COL18A1: variants seen among roughly 807,000 people sequenced by gnomAD.
COL18A1 encodes collagen type XVIII alpha 1 chain, also known as collagen alpha-1(XVIII) chain.
COL18A1 carries 133 observed loss-of-function variants against 168.0 expected under a neutral mutation model. The observed-to-expected ratio is 0.79, with a 90% CI of 0.69 to 0.91. COL18A1 has a LOEUF of 0.91. COL18A1 is among the 40% of genes least tolerant of loss of function. COL18A1 has a pLI of 0.00. For synonymous variants in COL18A1, 949 were observed against 809.0 expected, an observed-to-expected ratio of 1.17 and a Z score of -2.94; for missense variants, 2,126 against 1,925.4, an observed-to-expected ratio of 1.10 and a Z score of -1.95.
At chr21:45,461,950 G>T (rs1489231949) in intron 2 of COL18A1, among the ~76,000 whole-genome samples, 1 of 152,176 alleles carries the variant, frequency 6.6e-6, no homozygotes, top group African/African-American at 2.4e-5. Flanking sequence ...TGCAGGGCAG[G>T]TCTAGTGGCA....
chr21:45,433,474 A>G (rs1286175233), intron 2 of COL18A1, among the ~76,000 whole-genome samples: 1 of 152,108 alleles, frequency 6.6e-6, no homozygotes, highest in African/African-American at 2.4e-5. Flanking sequence ...GAGCACCAAG[A>G]AAATACCAGG....
chr21:45,505,841 A>G lies in COL18A1; in HGVS notation c.3091A>G (p.Arg1031Gly). Residue 1031 changes from arginine (R) to glycine (G), a missense_variant, in exon 37 of 42, where the codon AGG becomes GGG. Transcript: ENST00000651438. ...PGTMGASSGV[R>G]LWATRQAMLG... ...CCTCTGCATTTGGTCCCAGCAGGTGAGGCTCTGGGCTACACGCCAGGCCAT... is the reference window on the plus strand; with the variant it reads ...CCTCTGCATTTGGTCCCAGCAGGTGGGGCTCTGGGCTACACGCCAGGCCAT... The G allele has an allele frequency of 1.3e-6, 2 of 1,589,330 alleles. No individual in the cohort carries two copies. The highest frequency in any genetic ancestry group is 1.7e-6 in the Non-Finnish European group (2 of 1,169,378).
intron 2 of COL18A1, among the ~76,000 whole-genome samples, chr21:45,418,997 G>A (rs1301983958): frequency 6.6e-6 from 1 of 152,256 alleles, no homozygotes; most frequent in African/African-American, 2.4e-5. Context: ...CATCAGGGCT[G>A]CAGGTCAGCT....
chr21:45,450,437 G>A (rs950559639), intron 2 of COL18A1, among the ~76,000 whole-genome samples: 1 of 152,226 alleles, frequency 6.6e-6, no homozygotes, highest in African/African-American at 2.4e-5. Flanking sequence ...CGCCTCTGAC[G>A]ATTGAACAGC....
chr21:45,444,394 G>T (rs1221843280), intron 2 of COL18A1, among the ~76,000 whole-genome samples: 1 of 152,162 alleles, frequency 6.6e-6, no homozygotes, highest in Non-Finnish European at 1.5e-5. Context: ...AATGAAGGAC[G>T]TTGTGCTCGT....
chr21:45,412,051 C>T lies in COL18A1; in HGVS notation c.106+6578C>T, dbSNP rs77675183. Among the ~76,000 whole-genome samples, 29 of 152,214 alleles carry T rather than the reference C, an allele frequency of 1.9e-4. No individual in the cohort carries two copies. In the East Asian group the frequency reaches 3.3e-3, roughly 17 times the overall value. On this transcript the variant is annotated intron_variant, in intron 2 of 41. Transcript: ENST00000651438. ...TGAACTTTTTCACGCACTAAGGGGC[C>T]GTCGTGCTTCTCTGGGAATGCCGGG...
intron 2 of COL18A1, among the ~76,000 whole-genome samples, chr21:45,442,100 A>G (rs1418821097): frequency 6.6e-6 from 1 of 152,238 alleles, no homozygotes; most frequent in Non-Finnish European, 1.5e-5. Flanking sequence ...CTGACTGCAC[A>G]GTCCTGCAGC....
rs922270774 is a variant in COL18A1 at position 45,425,315 on chromosome 21, G to A, written c.106+19842G>A. On this transcript the variant is annotated intron_variant, in intron 2 of 41. Coordinates refer to ENST00000651438, the MANE Select transcript of COL18A1 (RefSeq NM_001379500.1). This position sits in a 1 kb window ranked among gnomAD's most constrained non-coding sequence, Gnocchi z 4.1. Reference sequence around the variant, plus strand: ...TGTGCTGTGAGTGCAGTGTGACCGCGTCCACCTGTCTCCCTGGACACGCCT... The same window carrying A: ...TGTGCTGTGAGTGCAGTGTGACCGCATCCACCTGTCTCCCTGGACACGCCT... Among the ~76,000 whole-genome samples the A allele has an allele frequency of 3.3e-5, 5 of 152,114 alleles. No homozygotes were observed. Among genetic ancestry groups the A allele is most frequent in the South Asian group, 2.1e-4 (1 of 4,822 alleles).
chr21:45,413,345 G>A (rs900690357), intron 2 of COL18A1, among the ~76,000 whole-genome samples: 3 of 152,370 alleles, frequency 2.0e-5, no homozygotes, highest in Non-Finnish European at 4.4e-5. Flanking sequence ...AGGCCAGGGC[G>A]CCTGCACCAT....
chr21:45,468,200 C>T (rs749552238), intron 2 of COL18A1, 42 bp from the exon 3 acceptor site: 52 of 1,610,038 alleles, frequency 3.2e-5, no homozygotes, highest in African/African-American at 8.0e-5. Flanking sequence ...CCCCTGGTTC[C>T]GTCCTGCACA....
chr21:45,413,378 G>T (rs560350280), intron 2 of COL18A1, among the ~76,000 whole-genome samples: 3 of 152,254 alleles, frequency 2.0e-5, no homozygotes, highest in African/African-American at 7.2e-5. Flanking sequence ...CGCCCCTGTC[G>T]CGGGGACCCA....
chr21:45,468,415 C>T lies in COL18A1; in HGVS notation c.280C>T (p.Leu94=), dbSNP rs1383393907. 6.8e-6 allele frequency: 11 copies of T among 1,614,074 alleles called. No homozygotes were observed. The highest frequency in any genetic ancestry group is 9.3e-6 in the Non-Finnish European group (11 of 1,180,038). The change falls in exon 3 of 42, where the codon CTG becomes TTG. Residue 94 remains leucine (L), a synonymous_variant. Transcript: ENST00000651438. ...CAGCCTCTTCTTCCGTGACTTCTCACTGCTGTTCCACATCCGGCCAGCCAC... is the reference window on the plus strand; with the variant it reads ...CAGCCTCTTCTTCCGTGACTTCTCATTGCTGTTCCACATCCGGCCAGCCAC... The part of the protein sequence containing the change: ...FPSLFFRDFS[L]LFHIRPATEG...
Position 45,477,991 on chromosome 21 carries a change from C to T in COL18A1, c.1221+26C>T, listed in dbSNP as rs779729072. The stretch of plus-strand genomic sequence containing the variant: ...GTGAGTCCTCACGTCCCCCCGAGTC[C>T]GGCCCGGTCTGGAGGGTGGGGGCTT... On this transcript the variant is annotated intron_variant, in intron 8 of 41. Coordinates refer to ENST00000651438, the MANE Select transcript of COL18A1 (RefSeq NM_001379500.1). 2.5e-5 allele frequency: 31 copies of T among 1,259,064 alleles called. No individual in the cohort carries two copies. The Middle Eastern group carries it at 5.8e-4, about 24-fold the overall frequency. The allele number at this position is 1,259,064 out of a possible 1,614,324, so 78.0% of individuals were successfully genotyped here.
chr21:45,428,490 A>G (rs951636721), intron 2 of COL18A1, among the ~76,000 whole-genome samples: 6 of 152,248 alleles, frequency 3.9e-5, no homozygotes, highest in African/African-American at 1.2e-4. Flanking sequence ...GAAATTCACA[A>G]CGCATAAAAT....
chr21:45,512,891 T>A lies in COL18A1; in HGVS notation c.*493T>A. 1 of 213,378 alleles carries A rather than the reference T, an allele frequency of 4.7e-6. No homozygotes were observed. The highest frequency in any genetic ancestry group is 9.6e-6 in the Non-Finnish European group (1 of 104,114). 13.2% of individuals were successfully genotyped at this position (213,378 alleles called of 1,614,324 possible). On this transcript the variant is annotated 3_prime_UTR_variant, in exon 42 of 42. Transcript: ENST00000651438. ...GCCATCTGGGCTCCTCCAGGGTGTG[T>A]GCTCGCCCTGCGGTAGATGGGAGGG...
rs77326997 is a variant in COL18A1 at position 45,510,241 on chromosome 21, G to T, written c.3673G>T (p.Val1225Leu). ...CGTGCGCCGTGCCGACCGCGCAGCC[G>T]TGCCCATCGTCAACCTCAAGGTGGG... is the stretch of plus-strand genomic sequence containing the variant. ...SIVRRADRAA[V>L]PIVNLKDELL... Residue 1225 changes from valine (V) to leucine (L), a missense_variant, in exon 40 of 42, where the codon GTG (valine) becomes TTG (leucine). Transcript: ENST00000651438. 6.2e-6 allele frequency: 10 copies of T among 1,605,796 alleles called. No individual in the cohort carries two copies. The highest frequency in any genetic ancestry group is 8.5e-6 in the Non-Finnish European group (10 of 1,176,810).
At position 45,491,388 on chromosome 21, in the gene COL18A1, C is replaced by A. The variant is rs2036339159; in HGVS notation, c.2157+74C>A. 5 of 747,930 alleles carry A rather than the reference C, an allele frequency of 6.7e-6. No homozygotes were observed. The Admixed American group carries it at 1.0e-4, about 15-fold the overall frequency. 46.3% of individuals were successfully genotyped at this position (747,930 alleles called of 1,614,324 possible). On this transcript the variant is annotated intron_variant, in intron 22 of 41. Coordinates refer to ENST00000651438, the MANE Select transcript of COL18A1 (RefSeq NM_001379500.1). ...GGGTGCAGAGATCCCTCCCCGAGCCCCCCCCACACCCCCACATCCCCCAGG... is the reference window on the plus strand; with the variant it reads ...GGGTGCAGAGATCCCTCCCCGAGCCACCCCCACACCCCCACATCCCCCAGG...
intron 2 of COL18A1, among the ~76,000 whole-genome samples, chr21:45,466,285 G>C (rs997514107): frequency 4.6e-5 from 7 of 152,164 alleles, no homozygotes; most frequent in Non-Finnish European, 8.8e-5. Context: ...TGCACTGTCT[G>C]TCCTGGGCAT....
chr21:45,417,755 C>T (rs571131553), intron 2 of COL18A1, among the ~76,000 whole-genome samples: 1 of 152,328 alleles, frequency 6.6e-6, no homozygotes, highest in South Asian at 2.1e-4. Flanking sequence ...CCACTGTGGT[C>T]TGGGCAGAGC....
Sources: gnomAD v4.1 joint callset for allele counts (sites outside exome capture counted in the v4.1 genomes callset) on GRCh38, gnomAD v4.1.1 for gene constraint, Gnocchi (gnomAD v3.1) non-coding constraint, MANE v1.5 for transcripts, NCBI Gene and HGNC (gene_info 2026-07-23, HGNC 2026-07-21) for gene names.